Variants in POF1B observed in about 807,000 individuals in gnomAD.
POF1B encodes protein POF1B.
A neutral mutation model predicts 55.3 loss-of-function variants in POF1B; 53 were observed. The ratio of observed to expected loss-of-function variants is 0.96; its 90% confidence interval spans 0.77 to 1.20. The LOEUF is 1.20. POF1B is among the 50% of genes most tolerant of loss of function. The pLI is 0.00. For missense variants in POF1B, 478 were observed against 420.5 expected (o/e 1.14, Z -1.20); for synonymous variants, 188 against 148.3 (o/e 1.27, Z -1.95).
intron 15 of POF1B, among the ~76,000 whole-genome samples, chrX:85,300,915 C>G (rs752063455): frequency 9.0e-6 from 1 of 111,623 alleles, no homozygotes; most frequent in African/African-American, 3.2e-5. Context: ...TTCTCAACAG[C>G]CGATGTAAGC....
chrX:85,293,967 C>A (rs1932250759), intron 15 of POF1B, among the ~76,000 whole-genome samples: 1 of 92,791 alleles, frequency 1.1e-5, no homozygotes, highest in African/African-American at 4.6e-5. Flanking sequence ...GAGCAAGACT[C>A]TGTCAAAAAA....
intron 6 of POF1B, among the ~76,000 whole-genome samples, chrX:85,334,875 A>G (rs984615614): frequency 2.7e-5 from 3 of 111,204 alleles, no homozygotes; most frequent in African/African-American, 9.8e-5. Flanking sequence ...CACTTAACCA[A>G]CCATATTTAC....
At chrX:85,356,095 G>T (rs748568654) in intron 4 of POF1B, among the ~76,000 whole-genome samples, 1 of 111,454 alleles carries the variant, frequency 9.0e-6, no homozygotes, top group African/African-American at 3.3e-5. Context: ...TTAAGAAAAT[G>T]TGGCACATAT....
chrX:85,357,539 G>T (rs766756231), intron 4 of POF1B, among the ~76,000 whole-genome samples: 14 of 110,772 alleles, frequency 1.3e-4, no homozygotes, highest in Non-Finnish European at 2.3e-4. Context: ...CTCTATCAAT[G>T]TCACTATCAC....
chrX:85,283,383 G>T (rs1931953242), intron 15 of POF1B, among the ~76,000 whole-genome samples: 1 of 109,731 alleles, frequency 9.1e-6, no homozygotes, highest in Non-Finnish European at 1.9e-5. Flanking sequence ...ACACAGGAGA[G>T]AAATAGATAA....
Position 85,379,556 on chromosome X carries a change from G to A in POF1B, c.-41-61C>T, listed in dbSNP as rs964797921. 3.3e-6 allele frequency: 3 copies of A among 908,830 alleles called. No homozygotes were observed. The African/African-American group carries it at 6.0e-5, about 18-fold the overall frequency. The allele number at this position is 908,830 out of a possible 1,213,427, so 74.9% of individuals were successfully genotyped here. The stretch of plus-strand genomic sequence containing the variant: ...AGACAGGCAAGCAGGCAGTCAGGCA[G>A]GCAGACAGACACACGACACACGTGT... On this transcript the variant is annotated intron_variant, in intron 1 of 16. Transcript: ENST00000262753.
intron 3 of POF1B, among the ~76,000 whole-genome samples, chrX:85,366,108 AGC>A (rs768129548): frequency 1.8e-5 from 2 of 112,357 alleles, no homozygotes; most frequent in Non-Finnish European, 3.8e-5. Flanking sequence ...AAAAGTGTTC[AGC>A]CAAACTAGGA....
At chrX:85,355,770 T>C (rs1269236120) in intron 4 of POF1B, among the ~76,000 whole-genome samples, 3 of 111,780 alleles carry the variant, frequency 2.7e-5, no homozygotes, top group Non-Finnish European at 5.7e-5. Context: ...TACCATCTCA[T>C]GCCAGTTAGA....
At chrX:85,307,370 G>A (rs745512002) in intron 10 of POF1B, 94 bp from the exon 11 acceptor site, 24 of 503,501 alleles carry the variant, frequency 4.8e-5, no homozygotes, top group East Asian at 7.8e-5. Context: ...ATTTAAATAA[G>A]CACTTGTTTC....
At chrX:85,312,686 A>T (rs1342303955) in intron 9 of POF1B, among the ~76,000 whole-genome samples, 1 of 111,331 alleles carries the variant, frequency 9.0e-6, no homozygotes, top group Non-Finnish European at 1.9e-5. Context: ...TATGTAATTT[A>T]AAGTATTTTT....
intron 4 of POF1B, among the ~76,000 whole-genome samples, 169 bp downstream of exon 4, chrX:85,359,381 T>C (rs780476141): frequency 9.0e-6 from 1 of 111,449 alleles, no homozygotes; most frequent in East Asian, 2.8e-4. Context: ...AGACTCATGG[T>C]TGTTTGGCAT....
At chrX:85,356,583 T>C (rs1295955080) in intron 4 of POF1B, among the ~76,000 whole-genome samples, 1 of 111,111 alleles carries the variant, frequency 9.0e-6, no homozygotes, top group East Asian at 2.8e-4. Flanking sequence ...AGAGGACAAT[T>C]ACTTTCCCCA....
At chrX:85,342,683 C>T (rs988631872) in intron 6 of POF1B, among the ~76,000 whole-genome samples, 1 of 111,369 alleles carries the variant, frequency 9.0e-6, no homozygotes, top group Non-Finnish European at 1.9e-5. Context: ...TTACCACGCT[C>T]CTTCCAAATT....
Position 85,305,921 on chromosome X carries a change from C to CA in POF1B, c.1318-12dup. On this transcript the variant is annotated splice_polypyrimidine_tract_variant and intron_variant, in intron 12 of 16. Transcript: ENST00000262753. ...GCAAGTCTCAGAAACCTACAGAAGG[C>CA]AAAATAACTATCTGTAATTGGATTG... 3.3e-6 allele frequency: 4 copies of CA among 1,201,341 alleles called. No homozygotes were observed. The South Asian group carries it at 7.3e-5, about 22-fold the overall frequency.
chrX:85,341,475 A>G (rs1298607079), intron 6 of POF1B, among the ~76,000 whole-genome samples: 1 of 111,529 alleles, frequency 9.0e-6, no homozygotes, highest in Non-Finnish European at 1.9e-5. Flanking sequence ...TTGCCATAAA[A>G]CAATAGTTCT....
intron 2 of POF1B, among the ~76,000 whole-genome samples, chrX:85,378,194 G>T (rs1419324119): frequency 1.8e-5 from 2 of 111,326 alleles, no homozygotes; most frequent in Non-Finnish European, 3.8e-5. Flanking sequence ...ACTCAAATTT[G>T]TGGGTTTTGG....
chrX:85,288,572 C>G (rs1252845180), intron 15 of POF1B, among the ~76,000 whole-genome samples: 2 of 111,333 alleles, frequency 1.8e-5, no homozygotes, highest in African/African-American at 3.3e-5. Flanking sequence ...GGCTGTCTCC[C>G]CACCAAAATC....
intron 7 of POF1B, among the ~76,000 whole-genome samples, chrX:85,322,077 G>C (rs1482112643): frequency 9.0e-6 from 1 of 111,052 alleles, no homozygotes; most frequent in Non-Finnish European, 1.9e-5. Flanking sequence ...TTTCTTCACA[G>C]AACTGGAAAA....
In POF1B at chrX:85,286,370, A is replaced by G. The variant is rs188937815; in HGVS notation, c.1650-4053T>C. 9.6e-4 allele frequency among the ~76,000 whole-genome samples: 107 copies of G among 111,392 alleles called. 1 individual carries two copies. Among genetic ancestry groups the G allele is most frequent in the Middle Eastern group, 4.7e-3 (1 of 215 alleles). On this transcript the variant is annotated intron_variant, in intron 15 of 16. Transcript: ENST00000262753. ...CATGAAGAAATAATTCATCCAAAAGAAGAGAGGAAAAGAGAAAGAAAGAAA... is the reference window on the plus strand; with the variant it reads ...CATGAAGAAATAATTCATCCAAAAGGAGAGAGGAAAAGAGAAAGAAAGAAA...
Sources: allele counts gnomAD v4.1 joint callset (sites outside exome capture counted in the v4.1 genomes callset), GRCh38; gene constraint gnomAD v4.1.1; transcripts MANE v1.5; gene names NCBI Gene and HGNC (gene_info 2026-07-23, HGNC 2026-07-21).